PGLYRP2: variants seen among roughly 807,000 people sequenced by gnomAD.
PGLYRP2 encodes N-acetylmuramoyl-L-alanine amidase.
PGLYRP2 carries 38 observed loss-of-function variants against 46.2 expected under a neutral mutation model. The ratio of observed to expected loss-of-function variants is 0.82; its 90% CI spans 0.64 to 1.08. The LOEUF is 1.08. PGLYRP2 is among the 50% of genes least tolerant of loss of function. The pLI, the probability that PGLYRP2 is intolerant of heterozygous loss-of-function variation, is 0.00. For missense variants in PGLYRP2, 713 were observed against 755.9 expected (o/e 0.94, Z 0.67); for synonymous variants, 289 against 329.4 (o/e 0.88, Z 1.33).
chr19:15,470,052 G>T, intron 3 of PGLYRP2, 123 bp from the exon 4 acceptor site: 1 of 1,049,148 alleles, frequency 9.5e-7, no homozygotes, highest in Non-Finnish European at 1.3e-6. Context: ...GCGCGGTCGC[G>T]CTGCCTGTGT....
rs1970776157 is a variant in PGLYRP2, at chr19:15,474,368, AAAT to A, written c.1132+1167_1132+1169del. ...AAAACAAAACAAAACAAAACAAAAA[AAAT>A]AATAATAAATTGGAACTATCATTCA... On this transcript the variant is annotated intron_variant, in intron 2 of 4. Transcript: ENST00000340880. Among the ~76,000 whole-genome samples the A allele has an allele frequency of 2.0e-5, 3 of 152,094 alleles. No individual in the cohort carries two copies. In the South Asian group the frequency reaches 6.2e-4, roughly 32 times the overall value.
At chr19:15,470,527 G>A (rs536112400) in intron 3 of PGLYRP2, among the ~76,000 whole-genome samples, 2 of 151,348 alleles carry the variant, frequency 1.3e-5, no homozygotes, top group Non-Finnish European at 2.9e-5. Flanking sequence ...GGCTGGTCTC[G>A]AACTCCTGAC....
At position 15,471,144 on chromosome 19, in the gene PGLYRP2, G is replaced by A. The variant is rs559099540; in HGVS notation, c.1343+746C>T. 4.8e-3 allele frequency among the ~76,000 whole-genome samples: 556 copies of A among 115,196 alleles called. 2 individuals are homozygous for A. The highest frequency in any genetic ancestry group is 5.8e-3 in the Non-Finnish European group (358 of 61,346). The allele number at this position is 115,196 out of a possible 152,430, so 75.6% of individuals were successfully genotyped here. On this transcript the variant is annotated intron_variant, in intron 3 of 4. Transcript: ENST00000340880. ...TTTTTTTTTTTTGAGACGGAGTCTC[G>A]CTCTGTCGCCCAGGCTGGAGTGCAA...
chr19:15,471,736 C>T (rs1970750885), intron 3 of PGLYRP2, among the ~76,000 whole-genome samples, 154 bp downstream of exon 3: 1 of 152,228 alleles, frequency 6.6e-6, no homozygotes, highest in Non-Finnish European at 1.5e-5. Context: ...CTAAGCCACG[C>T]CACCTCTCCA....
In PGLYRP2 at chr19:15,475,686, T is replaced by C; in HGVS notation, c.984A>G (p.Ser328=). 1 of 1,614,118 alleles carries C rather than the reference T, an allele frequency of 6.2e-7. No homozygotes were observed. The highest frequency in any genetic ancestry group is 8.5e-7 in the Non-Finnish European group (1 of 1,180,006). Residue 328 remains serine, a synonymous_variant, in exon 2 of 5, where the codon TCA becomes TCG. Coordinates refer to ENST00000340880, the MANE Select transcript of PGLYRP2 (RefSeq NM_052890.4). ...FRRQNGAALT[S]ASILAQQVWG... ...ACACCTGCTGGGCCAGGATGGAGGC[T>C]GAAGTCAGAGCAGCACCGTTCTGCC...
intron 2 of PGLYRP2, among the ~76,000 whole-genome samples, chr19:15,473,540 A>G (rs968418944): frequency 1.3e-5 from 2 of 150,030 alleles, no homozygotes; most frequent in African/African-American, 4.9e-5. Context: ...ACTTACATGT[A>G]AGACCTGAAA....
chr19:15,475,018 C>T, intron 2 of PGLYRP2, among the ~76,000 whole-genome samples: 1 of 150,914 alleles, frequency 6.6e-6, no homozygotes. Context: ...TTTGCAGCAA[C>T]ATGGATGGAA....
At position 15,476,532 on chromosome 19, in the gene PGLYRP2, G is replaced by C. The variant is rs770361090; in HGVS notation, c.138C>G (p.Thr46=). The change falls in exon 2 of 5, where the codon ACC becomes ACG. Residue 46 remains threonine, a synonymous_variant. Coordinates refer to ENST00000340880, the MANE Select transcript of PGLYRP2 (RefSeq NM_052890.4). ...TCAGCCACGCAGAAGCTGTGTGTCT[G>C]GTCTTGGCAGCTGGCACTTTCTGCT... ...ELEQKVPAAK[T]RHTASAWLMS... The C allele has an allele frequency of 6.2e-7, 1 of 1,614,004 alleles. No homozygotes were observed.
rs368221707 is a variant in PGLYRP2, at chr19:15,475,745, C to A, written c.925G>T (p.Ala309Ser). ...TTGCTGCGGAACCCTGGGTCTCTGG[C>A]CACCCCAGCCCCATAGTACTGGCTC... is the stretch of plus-strand genomic sequence containing the variant. ...LLSQYYGAGV[A>S]RDPGFRSNFR... The change falls in exon 2 of 5, where the codon GCC becomes TCC. Residue 309 changes from alanine to serine, a missense_variant. Transcript: ENST00000340880. The A allele has an allele frequency of 5.0e-6, 8 of 1,613,866 alleles. No individual in the cohort carries two copies. The highest frequency in any genetic ancestry group is 6.8e-6 in the Non-Finnish European group (8 of 1,179,926).
chr19:15,475,758 A>G lies in PGLYRP2; in HGVS notation c.912T>C (p.Tyr304=), dbSNP rs142748693. The change falls in exon 2 of 5, where the codon TAT becomes TAC. Residue 304 remains tyrosine, a synonymous_variant. Transcript: ENST00000340880. ...PSLSHLLSQY[Y]GAGVARDPGF... is the part of the protein sequence containing the mutation. ...CTGGGTCTCTGGCCACCCCAGCCCCATAGTACTGGCTCAGCAAGTGGCTGA... is the reference window on the plus strand; with the variant it reads ...CTGGGTCTCTGGCCACCCCAGCCCCGTAGTACTGGCTCAGCAAGTGGCTGA... The G allele has an allele frequency of 3.7e-6, 6 of 1,613,946 alleles. No individual in the cohort carries two copies. The highest frequency in any genetic ancestry group is 2.7e-5 in the African/African-American group (2 of 74,930).
At chr19:15,475,497 C>T (rs1481874676) in intron 2 of PGLYRP2, 41 bp downstream of exon 2, 3 of 1,525,366 alleles carry the variant, frequency 2.0e-6, no homozygotes, top group East Asian at 2.3e-5. Flanking sequence ...GCGTCTGTGT[C>T]TGTAATGGGA....
chr19:15,471,450 TG>T (rs975800193), intron 3 of PGLYRP2, among the ~76,000 whole-genome samples: 1 of 149,418 alleles, frequency 6.7e-6, no homozygotes, highest in Non-Finnish European at 1.5e-5. Context: ...ATGGGTGGTG[TG>T]GGGGGGTGTC....
chr19:15,477,715 ATAAAAT>A (rs1277179665), intron 1 of PGLYRP2, among the ~76,000 whole-genome samples: 1 of 83,106 alleles, frequency 1.2e-5, no homozygotes, highest in East Asian at 5.3e-4. Flanking sequence ...AATAAATAAA[ATAAAAT>A]TAAATTAAAA....
chr19:15,471,839 C>T (rs751810005), intron 3 of PGLYRP2, 51 bp downstream of exon 3: 1 of 1,584,612 alleles, frequency 6.3e-7, no homozygotes, highest in Admixed American at 1.7e-5. Flanking sequence ...CCCACTCAGA[C>T]CCCATCCCCG....
rs886580326 is a variant in PGLYRP2 at position 15,476,470 on chromosome 19, T to G, written c.200A>C (p.Tyr67Ser). The G allele has an allele frequency of 6.2e-7, 1 of 1,614,066 alleles. No homozygotes were observed. Among genetic ancestry groups the G allele is most frequent in the East Asian group, 2.2e-5 (1 of 44,864 alleles). Reference sequence around the variant, plus strand: ...GCTCCATGCCCCCAGCAGGAAGTGGTAGAGGCGATTGTGGGGGCCAGAGTT... The same window carrying G: ...GCTCCATGCCCCCAGCAGGAAGTGGGAGAGGCGATTGTGGGGGCCAGAGTT... ...APNSGPHNRL[Y>S]HFLLGAWSLN... The change falls in exon 2 of 5, where the codon TAC (tyrosine) becomes TCC (serine). Residue 67 changes from tyrosine to serine, a missense_variant. By Grantham distance (144) the Tyr-to-Ser change is moderately radical. Transcript: ENST00000340880.
Position 15,475,936 on chromosome 19 carries a change from G to C in PGLYRP2, c.734C>G (p.Thr245Ser). Residue 245 changes from threonine to serine, a missense_variant, in exon 2 of 5, where the codon ACT (threonine) becomes AGT (serine). Physicochemically the swap from Thr to Ser is moderately conservative, Grantham distance 58. Coordinates refer to ENST00000340880, the MANE Select transcript of PGLYRP2 (RefSeq NM_052890.4). ...SQTQSHPDLG[T>S]EGCWDQLSAP... is the part of the protein sequence containing the mutation. ...AGAGAGCTGGTCCCAGCAGCCCTCA[G>C]TTCCCAGGTCTGGATGGCTCTGGGT... The C allele has an allele frequency of 6.2e-7, 1 of 1,614,190 alleles. No individual in the cohort carries two copies. Among genetic ancestry groups the C allele is most frequent in the Non-Finnish European group, 8.5e-7 (1 of 1,180,038 alleles).
At chr19:15,474,617 G>A (rs1970777759) in intron 2 of PGLYRP2, among the ~76,000 whole-genome samples, 1 of 152,118 alleles carries the variant, frequency 6.6e-6, no homozygotes, top group African/African-American at 2.4e-5. Context: ...GTCAGGCCCA[G>A]GTTTCCAGCT....
Position 15,469,595 on chromosome 19 carries a change from G to A in PGLYRP2, c.1641+37C>T, listed in dbSNP as rs774622566. 1.3e-6 allele frequency: 2 copies of A among 1,561,132 alleles called. No individual in the cohort carries two copies. The highest frequency in any genetic ancestry group is 1.7e-6 in the Non-Finnish European group (2 of 1,160,990). ...CTCGTGGAGCTTGTGTAGACGGAGG[G>A]GCGGCGGGCCGTGTAGTGCAGGCTG... is the stretch of plus-strand genomic sequence containing the variant. On this transcript the variant is annotated intron_variant, in intron 4 of 4. Transcript: ENST00000340880. This position sits in a 1 kb window ranked among gnomAD's most constrained non-coding sequence, Gnocchi z 4.9.
At chr19:15,470,297 T>C (rs756795718) in intron 3 of PGLYRP2, among the ~76,000 whole-genome samples, 3,810 of 68,278 alleles carry the variant, frequency 0.056, 73 homozygotes, top group Non-Finnish European at 0.067. Context: ...TCCTTCCTTC[T>C]TTCTTTCTTT....
Sources: allele counts gnomAD v4.1 joint callset (sites outside exome capture counted in the v4.1 genomes callset), GRCh38; gene constraint gnomAD v4.1.1; non-coding constraint Gnocchi (gnomAD v3.1); transcripts MANE v1.5; gene names NCBI Gene and HGNC (gene_info 2026-07-23, HGNC 2026-07-21).